PPP1R12C: variants seen among roughly 807,000 people sequenced by gnomAD.
PPP1R12C encodes the protein leukocyte receptor cluster (LRC) encoded novel gene 3.
PPP1R12C carries 48 observed loss-of-function variants against 95.6 expected under a neutral mutation model. The ratio of observed to expected loss-of-function variants is 0.50; its 90% CI spans 0.40 to 0.64. The LOEUF (loss-of-function observed/expected upper bound fraction) is 0.64. Ranked by LOEUF, PPP1R12C falls within the 30% of genes least tolerant of loss-of-function variation. PPP1R12C has a pLI of 0.00. For missense variants in PPP1R12C, 1,057 were observed against 1,083.3 expected (o/e 0.98, Z 0.34); for synonymous variants, 480 against 460.8 (o/e 1.04, Z -0.53).
rs2085171817 is a variant in PPP1R12C at position 55,117,625 on chromosome 19, G to A, written c.-82C>T. 1.1e-6 allele frequency: 1 copy of A among 897,912 alleles called. No individual in the cohort carries two copies. The highest frequency in any genetic ancestry group is 1.9e-5 in the African/African-American group (1 of 53,436). 55.6% of individuals were successfully genotyped at this position (897,912 alleles called of 1,614,324 possible). A position where few individuals can be genotyped will look rare whatever the true frequency, so the allele number is the denominator to read the frequency against. On this transcript the variant is annotated 5_prime_UTR_variant, in exon 1 of 22. Coordinates refer to ENST00000263433, the MANE Select transcript of PPP1R12C (RefSeq NM_017607.4). ...ACCCGCCCGCCCGCCCGCCCCGGGG[G>A]CCGCCGGGAACTGCCGCTGGCCCCC...
chr19:55,111,688 C>T (rs1027643325), intron 3 of PPP1R12C: 2 of 152,174 alleles, frequency 1.3e-5, no homozygotes, highest in African/African-American at 4.8e-5. Context: ...CTCATTTCCT[C>T]GTCAGTCTCC....
At position 55,098,805 on chromosome 19, in the gene PPP1R12C, T is replaced by C; in HGVS notation, c.930A>G (p.Glu310=). The C allele has an allele frequency of 6.2e-7, 1 of 1,613,484 alleles. No homozygotes were observed. The highest frequency in any genetic ancestry group is 1.3e-5 in the African/African-American group (1 of 75,038). Residue 310 remains glutamate (E), a synonymous_variant, in exon 6 of 22, where the codon GAA becomes GAG. Transcript: ENST00000263433. ...ADEEVLSLLE[E]LARKQEDLRN... is the part of the protein sequence containing the mutation. ...TCACGTCCTCCTGTTTCCGGGCCAG[T>C]TCCTCCAACAGGCTCAGTACTTCCT...
intron 1 of PPP1R12C, 26 bp from the exon 2 acceptor site, chr19:55,112,821 C>A: frequency 6.2e-7 from 1 of 1,609,296 alleles, no homozygotes; most frequent in Non-Finnish European, 8.5e-7. Context: ...AGCCGTCAGC[C>A]GCACCTACCC....
In PPP1R12C at chr19:55,096,351, G is replaced by C. The variant is rs868679334; in HGVS notation, c.952-16C>G. ...GGTTCCGAAGCTGCAAGGAGGGAAG[G>C]GGGCTGCAGGGGAGGGGTGGAGCAC... On this transcript the variant is annotated splice_polypyrimidine_tract_variant and intron_variant, in intron 6 of 21. Transcript: ENST00000263433. The C allele has an allele frequency of 6.2e-7, 1 of 1,612,624 alleles. No individual in the cohort carries two copies.
At chr19:55,110,564 G>A (rs1237301589) in intron 3 of PPP1R12C, among the ~76,000 whole-genome samples, 3 of 152,202 alleles carry the variant, frequency 2.0e-5, no homozygotes, top group African/African-American at 4.8e-5. Context: ...TGCATCAGGC[G>A]AAGATGTACA....
At chr19:55,110,949 CAGG>C (rs2085088872) in intron 3 of PPP1R12C, among the ~76,000 whole-genome samples, 1 of 150,494 alleles carries the variant, frequency 6.6e-6, no homozygotes, top group African/African-American at 2.4e-5. Context: ...GGGAAAAAAA[CAGG>C]AGGAGAAAGG....
chr19:55,102,491 G>A (rs1408480879), intron 4 of PPP1R12C, among the ~76,000 whole-genome samples: 1 of 152,214 alleles, frequency 6.6e-6, no homozygotes, highest in African/African-American at 2.4e-5. Context: ...CAGCCTAGGT[G>A]ACAGAGCGAG....
chr19:55,114,250 G>A (rs1470092182), intron 1 of PPP1R12C: 1 of 156,942 alleles, frequency 6.4e-6, no homozygotes, highest in Non-Finnish European at 1.4e-5. Context: ...AAACCCAGGA[G>A]CCCAGGCCCC....
chr19:55,110,941 GA>G (rs959573397), intron 3 of PPP1R12C, among the ~76,000 whole-genome samples: 3 of 151,788 alleles, frequency 2.0e-5, no homozygotes, highest in East Asian at 1.9e-4. Flanking sequence ...GAGATGGAGG[GA>G]AAAAAACAGG....
intron 6 of PPP1R12C, 152 bp downstream of exon 6, chr19:55,098,632 G>A: frequency 1.1e-6 from 1 of 924,418 alleles, no homozygotes; most frequent in Non-Finnish European, 1.7e-6. Flanking sequence ...CTCTCCTGAG[G>A]CTGGGGCTGG....
chr19:55,103,447 C>A lies in PPP1R12C; in HGVS notation c.693G>T (p.Leu231=). The stretch of plus-strand genomic sequence containing the variant: ...TGTAGCCCTTGGCAGCAGCCACGTG[C>A]AGGGCAGAGGCGCCTGTGCGGGGGT... ...ARHPRTGASA[L]HVAAAKGYIE... The change falls in exon 4 of 22, where the codon CTG becomes CTT. Residue 231 remains leucine, a synonymous_variant. Transcript: ENST00000263433. The A allele has an allele frequency of 6.4e-7, 1 of 1,570,142 alleles. No homozygotes were observed. Among genetic ancestry groups the A allele is most frequent in the Non-Finnish European group, 8.7e-7 (1 of 1,150,240 alleles).
Position 55,094,690 on chromosome 19 carries a change from CGCCGTGGAG to C in PPP1R12C, c.1554_1562del (p.Ser519_Ala521del), listed in dbSNP as rs1355509295. The stretch of plus-strand genomic sequence containing the variant: ...GTCGGTCCCGGGAGTCCGCTGGGGG[CGCCGTGGAG>C]GCTGTGGGGACGTTTGGCTTCGCTG... On this transcript the variant is annotated inframe_deletion, in exon 12 of 22. Transcript: ENST00000263433. 6.2e-7 allele frequency: 1 copy of C among 1,604,966 alleles called. No homozygotes were observed. Among genetic ancestry groups the C allele is most frequent in the Non-Finnish European group, 8.5e-7 (1 of 1,177,444 alleles).
intron 4 of PPP1R12C, among the ~76,000 whole-genome samples, chr19:55,101,123 C>T (rs569904724): frequency 9.2e-5 from 14 of 152,146 alleles, no homozygotes; most frequent in African/African-American, 3.4e-4. Context: ...TGGAGCACAC[C>T]TGTAATCACA....
At position 55,092,337 on chromosome 19, in the gene PPP1R12C, G is replaced by C; in HGVS notation, c.2056-11C>G. ...CAGCTCTGCATACAGCTGGGGGTCA[G>C]GTAGAGGAGGGTCAGGTGGAGGATG... On this transcript the variant is annotated splice_polypyrimidine_tract_variant and intron_variant, in intron 18 of 21. Transcript: ENST00000263433. The C allele has an allele frequency of 6.3e-7, 1 of 1,584,986 alleles. No homozygotes were observed.
At chr19:55,108,288 T>C (rs2147205199) in intron 3 of PPP1R12C, among the ~76,000 whole-genome samples, 1 of 152,228 alleles carries the variant, frequency 6.6e-6, no homozygotes, top group African/African-American at 2.4e-5. Context: ...CACAATTGGT[T>C]GTTGTGCAAC....
chr19:55,112,748 C>T lies in PPP1R12C; in HGVS notation c.369G>A (p.Gln123=). 6.2e-7 allele frequency: 1 copy of T among 1,613,786 alleles called. No individual in the cohort carries two copies. The highest frequency in any genetic ancestry group is 8.5e-7 in the Non-Finnish European group (1 of 1,179,986). The change falls in exon 2 of 22, where the codon CAG becomes CAA. Residue 123 remains glutamine, a synonymous_variant. Coordinates refer to ENST00000263433, the MANE Select transcript of PPP1R12C (RefSeq NM_017607.4). ...TGTCTGCCTGGTTCACAGTGGCGCC[C>T]TGCTCCACCAAGAAGCGCACCACCT... is the stretch of plus-strand genomic sequence containing the variant. ...NLEVVRFLVE[Q]GATVNQADNE...
rs1389959378 is a variant in PPP1R12C at position 55,092,627 on chromosome 19, C to T, written c.1947G>A (p.Glu649=). The T allele has an allele frequency of 6.5e-7, 1 of 1,536,320 alleles. No homozygotes were observed. Among genetic ancestry groups the T allele is most frequent in the Non-Finnish European group, 8.7e-7 (1 of 1,144,430 alleles). Residue 649 remains glutamate, a synonymous_variant, in exon 17 of 22, where the codon GAG becomes GAA. Transcript: ENST00000263433. ...CTCTCCCACCCCGCCCCTACCTGGA[C>T]TCCTGGCTGCGGTCAGCCGGCTCCG... ...EEAEPADRSQ[E]SSTLEGGPSA...
chr19:55,094,675 G>T lies in PPP1R12C; in HGVS notation c.1578C>A (p.Ser526=). 1 of 1,599,950 alleles carries T rather than the reference G, an allele frequency of 6.3e-7. No homozygotes were observed. Residue 526 remains serine, a synonymous_variant, in exon 12 of 22, where the codon TCC becomes TCA. Transcript: ENST00000263433. The part of the protein sequence containing the change: ...PTASTAPPAD[S]RDRRRSYQMP... ...GGCCTCTTCACCTCCGTCGGTCCCG[G>T]GAGTCCGCTGGGGGCGCCGTGGAGG...
At chr19:55,095,818 A>G (rs1243595023) in intron 9 of PPP1R12C, 49 bp downstream of exon 9, 4 of 1,591,480 alleles carry the variant, frequency 2.5e-6, no homozygotes, top group Non-Finnish European at 3.4e-6. Flanking sequence ...ATGGAATCCC[A>G]CCTCCGGGCC....
Sources: allele counts gnomAD v4.1 joint callset (sites outside exome capture counted in the v4.1 genomes callset), GRCh38; gene constraint gnomAD v4.1.1; transcripts MANE v1.5; gene names NCBI Gene and HGNC (gene_info 2026-07-23, HGNC 2026-07-21).